Variants in MCTP1 observed in about 807,000 individuals in gnomAD.
MCTP1 encodes the protein multiple C2 and transmembrane domain-containing protein 1.
MCTP1 carries 69 observed loss-of-function variants against 120.6 expected under a neutral mutation model. The ratio of observed to expected loss-of-function variants is 0.57; its 90% confidence interval spans 0.47 to 0.70. The LOEUF is 0.70. MCTP1 is among the 30% of genes least tolerant of loss of function. The pLI is 0.00. For missense variants in MCTP1, 1,203 were observed against 1,248.8 expected, an observed-to-expected ratio of 0.96 and a Z score of 0.55; for synonymous variants, 529 against 493.1, an observed-to-expected ratio of 1.07 and a Z score of -0.96.
At chr5:94,779,726 C>T (rs1190730565) in intron 18 of MCTP1, among the ~76,000 whole-genome samples, 2 of 152,126 alleles carry the variant, frequency 1.3e-5, no homozygotes, top group African/African-American at 2.4e-5. Flanking sequence ...CCAAAACTCT[C>T]ATTTTAATTC....
At chr5:94,986,360 C>T (rs1315646171) in intron 2 of MCTP1, among the ~76,000 whole-genome samples, 2 of 152,118 alleles carry the variant, frequency 1.3e-5, no homozygotes, top group Non-Finnish European at 2.9e-5. Flanking sequence ...AATGTATACC[C>T]ACTGGTTTGT....
At chr5:95,271,122 A>G (rs1759357756) in intron 1 of MCTP1, among the ~76,000 whole-genome samples, 1 of 152,224 alleles carries the variant, frequency 6.6e-6, no homozygotes, top group African/African-American at 2.4e-5. Context: ...ATATGCTCCT[A>G]GAAAAAGAAT....
chr5:94,941,634 C>T (rs762348783), intron 4 of MCTP1, among the ~76,000 whole-genome samples: 1 of 152,048 alleles, frequency 6.6e-6, no homozygotes, highest in Non-Finnish European at 1.5e-5. Context: ...AAGAAGGTTT[C>T]ACAGTTCCCT....
At chr5:94,750,877 C>A (rs181852937) in intron 19 of MCTP1, among the ~76,000 whole-genome samples, 1 of 152,096 alleles carries the variant, frequency 6.6e-6, no homozygotes, top group Non-Finnish European at 1.5e-5. Context: ...TGAAGGCCAT[C>A]GATGCTGCCA....
intron 19 of MCTP1, among the ~76,000 whole-genome samples, chr5:94,752,533 A>G (rs1026342857): frequency 1.3e-5 from 2 of 152,060 alleles, no homozygotes; most frequent in African/African-American, 4.8e-5. Flanking sequence ...AACAATTCCT[A>G]GGTTCCACCT....
intron 1 of MCTP1, among the ~76,000 whole-genome samples, chr5:95,089,958 T>C (rs1161261605): frequency 6.6e-6 from 1 of 152,182 alleles, no homozygotes; most frequent in African/African-American, 2.4e-5. Context: ...TCATTGTTGA[T>C]TGAATTCTCG....
chr5:94,907,968 A>T (rs1807365988), intron 10 of MCTP1, among the ~76,000 whole-genome samples: 1 of 152,116 alleles, frequency 6.6e-6, no homozygotes, highest in Non-Finnish European at 1.5e-5. Context: ...TCTTGTGGTC[A>T]CCAAATATAA....
At chr5:94,977,655 C>G (rs569629700) in intron 2 of MCTP1, among the ~76,000 whole-genome samples, 1 of 152,002 alleles carries the variant, frequency 6.6e-6, no homozygotes, top group African/African-American at 2.4e-5. Flanking sequence ...GAAAATCAAT[C>G]CATGCCTGTA....
chr5:94,788,046 A>T (rs1031481164), intron 18 of MCTP1, among the ~76,000 whole-genome samples: 1 of 152,232 alleles, frequency 6.6e-6, no homozygotes, highest in Non-Finnish European at 1.5e-5. Flanking sequence ...GGAAAGATAC[A>T]GCGGTAACTC....
intron 19 of MCTP1, among the ~76,000 whole-genome samples, chr5:94,726,025 G>C (rs950295265): frequency 6.6e-6 from 1 of 152,142 alleles, no homozygotes; most frequent in Non-Finnish European, 1.5e-5. Flanking sequence ...ATTATTTCAT[G>C]CTTGTAAAAC....
In MCTP1 at chr5:94,794,576, A is replaced by G. The variant is rs373365576; in HGVS notation, c.2556+4437T>C. Among the ~76,000 whole-genome samples the G allele has an allele frequency of 1.6e-4, 25 of 152,336 alleles. No homozygotes were observed. In the East Asian group the frequency reaches 4.8e-3, roughly 29 times the overall value. On this transcript the variant is annotated intron_variant, in intron 18 of 22. Coordinates refer to ENST00000515393, the MANE Select transcript of MCTP1 (RefSeq NM_024717.7). ...AGCCTGGGACTTTACAACAGGGCACAATTGGGTTCACATCACACTTGCTCT... is the reference window on the plus strand; with the variant it reads ...AGCCTGGGACTTTACAACAGGGCACGATTGGGTTCACATCACACTTGCTCT...
Position 95,284,150 on chromosome 5 carries a change from T to C in MCTP1, c.426A>G (p.Ala142=), listed in dbSNP as rs1760559638. 1 of 1,560,306 alleles carries C rather than the reference T, an allele frequency of 6.4e-7. No homozygotes were observed. Among genetic ancestry groups the C allele is most frequent in the Admixed American group, 1.9e-5 (1 of 52,516 alleles). The part of the protein sequence containing the change: ...AVKGPAAASG[A]AGGTPPGGRS... ...GTCCGCCAGGAGGCGTCCCTCCCGC[T>C]GCTCCCGAGGCCGCCGCGGGCCCCT... The change falls in exon 1 of 23, where the codon GCA becomes GCG. Residue 142 remains alanine (A), a synonymous_variant. Transcript: ENST00000515393. The surrounding 1 kb of genome is among the most constrained non-coding windows in gnomAD (Gnocchi z 5.2).
chr5:95,237,448 T>C lies in MCTP1; in HGVS notation c.720+46408A>G, dbSNP rs59809451. Among the ~76,000 whole-genome samples, 533 of 152,274 alleles carry C rather than the reference T, an allele frequency of 3.5e-3. 5 individuals carry two copies. Among genetic ancestry groups the C allele is most frequent in the African/African-American group, 0.012 (478 of 41,562 alleles). On this transcript the variant is annotated intron_variant, in intron 1 of 22. Transcript: ENST00000515393. ...TCTGGTAAGACGGACCTCAAACCAG[T>C]ACATTAAGAACTGCTTCAGTTCCTC...
At chr5:94,986,127 C>A (rs1190227878) in intron 2 of MCTP1, among the ~76,000 whole-genome samples, 1 of 152,114 alleles carries the variant, frequency 6.6e-6, no homozygotes, top group Non-Finnish European at 1.5e-5. Context: ...ATTTGAAAAG[C>A]ATTGTTTCCC....
At chr5:94,782,104 A>G (rs755005511) in intron 18 of MCTP1, among the ~76,000 whole-genome samples, 5 of 152,152 alleles carry the variant, frequency 3.3e-5, no homozygotes, top group Non-Finnish European at 7.4e-5. Flanking sequence ...CACCTATCTC[A>G]CAGTGTTGAG....
chr5:94,738,589 C>T (rs1265256369), intron 19 of MCTP1, among the ~76,000 whole-genome samples: 2 of 152,150 alleles, frequency 1.3e-5, no homozygotes, highest in Non-Finnish European at 2.9e-5. Context: ...TAACTCAAAG[C>T]CCATTGCCTA....
intron 1 of MCTP1, among the ~76,000 whole-genome samples, chr5:95,166,692 C>T (rs1477263577): frequency 8.6e-5 from 13 of 151,782 alleles, no homozygotes; most frequent in East Asian, 3.9e-4. Context: ...CTCACCCTCC[C>T]GAGTAGCTGG....
intron 1 of MCTP1, among the ~76,000 whole-genome samples, chr5:95,175,822 T>C (rs545608824): frequency 2.8e-4 from 42 of 152,216 alleles, no homozygotes; most frequent in Admixed American, 6.5e-4. Flanking sequence ...AGCACATGCT[T>C]CCCCCAGTGA....
intron 1 of MCTP1, among the ~76,000 whole-genome samples, chr5:95,057,788 A>G (rs1447354184): frequency 6.6e-6 from 1 of 152,074 alleles, no homozygotes; most frequent in African/African-American, 2.4e-5. Context: ...TGTTTCATGT[A>G]TTTCCTCTTT....
Sources: gnomAD v4.1 joint callset for allele counts (sites outside exome capture counted in the v4.1 genomes callset) on GRCh38, gnomAD v4.1.1 for gene constraint, Gnocchi (gnomAD v3.1) non-coding constraint, MANE v1.5 for transcripts, NCBI Gene and HGNC (gene_info 2026-07-23, HGNC 2026-07-21) for gene names.